Variants in TNS3 observed in about 807,000 individuals in gnomAD.
The protein encoded by TNS3 is tensin 3, also known as tensin-3.
Under a neutral mutation model 140.9 loss-of-function variants are expected in TNS3, and 45 were observed. The ratio of observed to expected loss-of-function variants is 0.32; its 90% CI spans 0.25 to 0.41. The LOEUF (loss-of-function observed/expected upper bound fraction) is 0.41. TNS3 is among the 10% of genes least tolerant of loss of function. The pLI is 1.00. For synonymous variants in TNS3, 815 were observed against 788.4 expected (o/e 1.03, Z -0.56); for missense variants, 1,716 against 1,906.7 (o/e 0.90, Z 1.86).
chr7:47,334,121 C>G (rs1040962794), intron 20 of TNS3, among the ~76,000 whole-genome samples: 14 of 152,276 alleles, frequency 9.2e-5, no homozygotes, highest in African/African-American at 3.4e-4. Context: ...ACCCCTGTGT[C>G]CCCTCTTGTG....
intron 21 of TNS3, among the ~76,000 whole-genome samples, chr7:47,303,974 G>T (rs1439520733): frequency 1.3e-5 from 2 of 152,200 alleles, no homozygotes; most frequent in African/African-American, 4.8e-5. Flanking sequence ...CTAGCCCTTA[G>T]CCAGCACCTG....
upstream of TNS3, chr7:47,582,315 G>A (rs1784556888): frequency 4.9e-6 from 2 of 407,404 alleles, no homozygotes; most frequent in Admixed American, 2.7e-5. Flanking sequence ...TGCGCCCTGG[G>A]ACCTCCCTTC....
intron 1 of TNS3, among the ~76,000 whole-genome samples, chr7:47,580,837 G>A (rs1784512984): frequency 6.6e-6 from 1 of 152,094 alleles, no homozygotes; most frequent in Non-Finnish European, 1.5e-5. Context: ...GTTCAGAAGG[G>A]CCATGCAATA....
chr7:47,439,989 GTGGTTA>G (rs1033744349), intron 5 of TNS3, among the ~76,000 whole-genome samples: 5 of 152,156 alleles, frequency 3.3e-5, no homozygotes, highest in Non-Finnish European at 5.9e-5. Context: ...AGGACTCTTT[GTGGTTA>G]CACTGGGAGC....
intron 1 of TNS3, among the ~76,000 whole-genome samples, chr7:47,537,179 T>C (rs1233381552): frequency 6.6e-6 from 1 of 151,930 alleles, no homozygotes; most frequent in East Asian, 2.0e-4. Context: ...CCCCAGCGGC[T>C]ATCTGGGGGG....
At chr7:47,449,702 G>A (rs1352334866) in intron 4 of TNS3, among the ~76,000 whole-genome samples, 1 of 152,168 alleles carries the variant, frequency 6.6e-6, no homozygotes, top group Non-Finnish European at 1.5e-5. Flanking sequence ...CCATCTGCCG[G>A]GTTCAAGTGA....
intron 2 of TNS3, among the ~76,000 whole-genome samples, chr7:47,520,828 C>T (rs1425641268): frequency 6.6e-6 from 1 of 152,184 alleles, no homozygotes; most frequent in Non-Finnish European, 1.5e-5. Context: ...GCTCAGTTCC[C>T]CGGTAGAAGT....
At chr7:47,492,119 C>T (rs1404844527) in intron 3 of TNS3, among the ~76,000 whole-genome samples, 1 of 152,218 alleles carries the variant, frequency 6.6e-6, no homozygotes, top group East Asian at 1.9e-4. Flanking sequence ...AGAAATGGCT[C>T]CCTTTCCAAC....
intron 9 of TNS3, among the ~76,000 whole-genome samples, chr7:47,427,580 G>A (rs10280277): frequency 0.38 from 57,158 of 152,048 alleles, 11,878 homozygotes; most frequent in Middle Eastern, 0.5. Flanking sequence ...GGAAGGGTCC[G>A]GGTGTACACC....
At position 47,291,981 on chromosome 7, in the gene TNS3, G is replaced by C; in HGVS notation, c.3902C>G (p.Ala1301Gly). 1 of 1,614,166 alleles carries C rather than the reference G, an allele frequency of 6.2e-7. No homozygotes were observed. The highest frequency in any genetic ancestry group is 8.5e-7 in the Non-Finnish European group (1 of 1,180,006). Residue 1301 changes from alanine to glycine, a missense_variant, in exon 27 of 31, where the codon GCA (alanine) becomes GGA (glycine). Physicochemically the swap from Ala to Gly is moderately conservative, Grantham distance 60. Transcript: ENST00000311160. The part of the protein sequence containing the change: ...ESSPQTAANS[A>G]AELLKQGAAC... Reference sequence around the variant, plus strand: ...TGCCCCCTGCTTCAACAGCTCAGCTGCTGAATTGGCTGCCGTCTGGGGAGA... The same window carrying C: ...TGCCCCCTGCTTCAACAGCTCAGCTCCTGAATTGGCTGCCGTCTGGGGAGA...
In TNS3 at chr7:47,303,451, A is replaced by G; in HGVS notation, c.2956T>C (p.Ser986Pro). Reference protein sequence around the residue: ...SGTRKDSPVLSCFPPSELQAP... With the variant: ...SGTRKDSPVLPCFPPSELQAP... ...TGGAGCTCTGACGGCGGGAAGCAGG[A>G]CAGCACTGGGGAGTCCTTCCTGGTA... The change falls in exon 22 of 31, where the codon TCC (serine) becomes CCC (proline). Residue 986 changes from serine (S) to proline (P), a missense_variant. Coordinates refer to ENST00000311160, the MANE Select transcript of TNS3 (RefSeq NM_022748.12). 1.9e-6 allele frequency: 3 copies of G among 1,612,926 alleles called. No homozygotes were observed. The highest frequency in any genetic ancestry group is 2.5e-6 in the Non-Finnish European group (3 of 1,180,000).
chr7:47,377,958 C>T (rs1309293286), intron 16 of TNS3, among the ~76,000 whole-genome samples: 2 of 152,144 alleles, frequency 1.3e-5, no homozygotes, highest in Non-Finnish European at 2.9e-5. Flanking sequence ...CACCTTCCCT[C>T]CCCTTCTAGA....
intron 16 of TNS3, among the ~76,000 whole-genome samples, chr7:47,388,408 C>T (rs1792197850): frequency 6.6e-6 from 1 of 152,148 alleles, no homozygotes. Context: ...AATTAGAGTC[C>T]AAAGATCTGC....
chr7:47,438,843 G>T lies in TNS3; in HGVS notation c.150+644C>A, dbSNP rs140803605. Among the ~76,000 whole-genome samples the T allele has an allele frequency of 3.2e-4, 48 of 152,262 alleles. No homozygotes were observed. In the East Asian group the frequency reaches 8.9e-3, roughly 28 times the overall value. On this transcript the variant is annotated intron_variant, in intron 6 of 30. Coordinates refer to ENST00000311160, the MANE Select transcript of TNS3 (RefSeq NM_022748.12). ...CTCCTTACTAGAGATAACAAGGCAG[G>T]TAGAGAGAGGGTGCCAGGGAGCTGT...
At chr7:47,406,708 T>G (rs781473716) in intron 13 of TNS3, among the ~76,000 whole-genome samples, 1 of 152,190 alleles carries the variant, frequency 6.6e-6, no homozygotes, top group Non-Finnish European at 1.5e-5. Flanking sequence ...TTCTGCTCGT[T>G]AGGATCCTCT....
chr7:47,415,419 C>T (rs960561325), intron 10 of TNS3, among the ~76,000 whole-genome samples: 3 of 152,214 alleles, frequency 2.0e-5, no homozygotes, highest in Admixed American at 6.5e-5. Flanking sequence ...GACACCAAGG[C>T]ACAACCGGCC....
intron 18 of TNS3, 62 bp downstream of exon 18, chr7:47,346,125 G>C: frequency 6.3e-7 from 1 of 1,587,166 alleles, no homozygotes; most frequent in Non-Finnish European, 8.6e-7. Context: ...TTCACTCGGG[G>C]TTCCAGGACA....
intron 4 of TNS3, among the ~76,000 whole-genome samples, chr7:47,461,370 G>C (rs1796482673): frequency 6.6e-6 from 1 of 152,214 alleles, no homozygotes; most frequent in Non-Finnish European, 1.5e-5. Context: ...TTCGTTCCAT[G>C]AGACAATATG....
In TNS3 at chr7:47,345,045, T is replaced by C. The variant is rs779018200; in HGVS notation, c.2452-7A>G. 6.2e-6 allele frequency: 10 copies of C among 1,610,864 alleles called. No individual in the cohort carries two copies. The highest frequency in any genetic ancestry group is 2.2e-5 in the East Asian group (1 of 44,874). On this transcript the variant is annotated splice_region_variant and splice_polypyrimidine_tract_variant and intron_variant, in intron 18 of 30. Coordinates refer to ENST00000311160, the MANE Select transcript of TNS3 (RefSeq NM_022748.12). ...GATAGCCAGGGGTCATCGTCTGAAATTGGCACAGGGAGTAGAATGTGAGAA... is the reference window on the plus strand; with the variant it reads ...GATAGCCAGGGGTCATCGTCTGAAACTGGCACAGGGAGTAGAATGTGAGAA...
Sources: allele counts gnomAD v4.1 joint callset (sites outside exome capture counted in the v4.1 genomes callset), GRCh38; gene constraint gnomAD v4.1.1; transcripts MANE v1.5; gene names NCBI Gene and HGNC (gene_info 2026-07-23, HGNC 2026-07-21).